LHFPL1: variants seen among roughly 807,000 people sequenced by gnomAD.
The protein encoded by LHFPL1 is LHFPL tetraspan subfamily member 1 protein.
A neutral mutation model predicts 12.1 loss-of-function variants in LHFPL1; 4 were observed. The ratio of observed to expected loss-of-function variants is 0.33; its 90% CI spans 0.16 to 0.76. The LOEUF (loss-of-function observed/expected upper bound fraction) is 0.76, where lower values mean the gene tolerates loss of function less well. Ranked by LOEUF, LHFPL1 falls within the 30% of genes least tolerant of loss-of-function variation. The pLI is 0.61. For missense variants in LHFPL1, 141 were observed against 174.1 expected, an observed-to-expected ratio of 0.81 and a Z score of 1.07; for synonymous variants, 52 against 61.9, an observed-to-expected ratio of 0.84 and a Z score of 0.75.
intron 2 of LHFPL1, among the ~76,000 whole-genome samples, chrX:112,665,077 G>A (rs920131719): frequency 1.8e-5 from 2 of 111,863 alleles, no homozygotes; most frequent in African/African-American, 6.5e-5. Context: ...TCCCAGCCCT[G>A]CCACATATGA....
At chrX:112,658,860 G>T (rs1931090152) in intron 3 of LHFPL1, among the ~76,000 whole-genome samples, 1 of 111,578 alleles carries the variant, frequency 9.0e-6, no homozygotes, top group East Asian at 2.8e-4. Flanking sequence ...TAGCCAAAAA[G>T]TAGAAACAAT....
chrX:112,659,198 C>T (rs1931101873), intron 3 of LHFPL1, among the ~76,000 whole-genome samples: 1 of 111,498 alleles, frequency 9.0e-6, no homozygotes, highest in African/African-American at 3.3e-5. Flanking sequence ...GCGGTGGCTC[C>T]CTGTAATCCC....
intron 3 of LHFPL1, among the ~76,000 whole-genome samples, chrX:112,642,715 C>T (rs1930551965): frequency 1.1e-5 from 1 of 87,851 alleles, no homozygotes; most frequent in Admixed American, 1.3e-4. Flanking sequence ...CTGGAAGTCA[C>T]CTTAGTCACC....
intron 3 of LHFPL1, among the ~76,000 whole-genome samples, chrX:112,655,739 T>G (rs755686363): frequency 9.0e-6 from 1 of 111,450 alleles, no homozygotes; most frequent in South Asian, 3.8e-4. Context: ...AGCTAATTAT[T>G]TTTATTTTTT....
At chrX:112,641,409 G>A (rs1243316180) in intron 3 of LHFPL1, among the ~76,000 whole-genome samples, 1 of 111,972 alleles carries the variant, frequency 8.9e-6, no homozygotes, top group Non-Finnish European at 1.9e-5. Flanking sequence ...AATAGAGACT[G>A]AGCCCAGGTC....
At chrX:112,640,904 A>G (rs1930487340) in intron 3 of LHFPL1, among the ~76,000 whole-genome samples, 1 of 111,230 alleles carries the variant, frequency 9.0e-6, no homozygotes, top group Non-Finnish European at 1.9e-5. Flanking sequence ...AATTCTTTGT[A>G]GTTTTTACAA....
At chrX:112,648,294 G>A (rs1288340532) in intron 3 of LHFPL1, among the ~76,000 whole-genome samples, 1 of 111,282 alleles carries the variant, frequency 9.0e-6, no homozygotes, top group Non-Finnish European at 1.9e-5. Flanking sequence ...TGCACGTTCT[G>A]CACATGTATC....
At chrX:112,655,452 G>A (rs1159537444) in intron 3 of LHFPL1, among the ~76,000 whole-genome samples, 2 of 112,075 alleles carry the variant, frequency 1.8e-5, no homozygotes, top group African/African-American at 3.2e-5. Context: ...TAACTTGAAT[G>A]AAAACCTAAG....
chrX:112,665,375 G>C (rs1002528460), intron 2 of LHFPL1, among the ~76,000 whole-genome samples: 2 of 111,015 alleles, frequency 1.8e-5, no homozygotes, highest in East Asian at 5.7e-4. Flanking sequence ...ATTTTTAGTA[G>C]AGACGGGGTT....
In LHFPL1 at chrX:112,660,701, G is replaced by A. The variant is rs1475308858; in HGVS notation, c.407C>T (p.Ala136Val). ...GCTATTCCATCCTAAAGGGTATAAG[G>A]CACAGCCTGAGCTTATCAGCAGCCC... ...VGGLLISSGC[A>V]LYPLGWNSPE... The change falls in exon 3 of 4, where the codon GCC (alanine) becomes GTC (valine). Residue 136 changes from alanine (A) to valine (V), a missense_variant. Transcript: ENST00000371968. 1 of 1,204,975 alleles carries A rather than the reference G, an allele frequency of 8.3e-7. No homozygotes were observed. Among genetic ancestry groups the A allele is most frequent in the Admixed American group, 2.2e-5 (1 of 45,993 alleles).
chrX:112,649,988 A>AAAG (rs199719123), intron 3 of LHFPL1, among the ~76,000 whole-genome samples: 10,688 of 108,511 alleles, frequency 0.098, 663 homozygotes, highest in African/African-American at 0.22. Context: ...GAAAAAAAAA[A>AAAG]AAGTATATAG....
intron 3 of LHFPL1, among the ~76,000 whole-genome samples, chrX:112,634,874 G>A (rs1187680601): frequency 8.9e-6 from 1 of 111,884 alleles, no homozygotes; most frequent in African/African-American, 3.3e-5. Flanking sequence ...AGGAGAAAGA[G>A]GGGAAATGTA....
At chrX:112,665,079 CA>C (rs1165494561) in intron 2 of LHFPL1, among the ~76,000 whole-genome samples, 1 of 111,901 alleles carries the variant, frequency 8.9e-6, no homozygotes, top group Non-Finnish European at 1.9e-5. Flanking sequence ...CCAGCCCTGC[CA>C]CATATGAGCT....
At chrX:112,660,913 G>T (rs1420949630) in intron 2 of LHFPL1, among the ~76,000 whole-genome samples, 188 bp from the exon 3 acceptor site, 1 of 111,999 alleles carries the variant, frequency 8.9e-6, no homozygotes, top group Non-Finnish European at 1.9e-5. Flanking sequence ...AGGTAGTGGA[G>T]TGTAATAGGT....
intron 3 of LHFPL1, among the ~76,000 whole-genome samples, chrX:112,651,332 C>T (rs1930848623): frequency 8.9e-6 from 1 of 112,190 alleles, no homozygotes; most frequent in Non-Finnish European, 1.9e-5. Flanking sequence ...ACACTTGGAA[C>T]ATTGCCTGGC....
At chrX:112,659,216 TG>T (rs1231519131) in intron 3 of LHFPL1, among the ~76,000 whole-genome samples, 2 of 111,571 alleles carry the variant, frequency 1.8e-5, no homozygotes, top group Non-Finnish European at 3.8e-5. Context: ...CCCAGCACTT[TG>T]GGAGGCAAAG....
intron 2 of LHFPL1, among the ~76,000 whole-genome samples, chrX:112,662,955 A>T (rs1296802368): frequency 1.8e-5 from 2 of 112,269 alleles, no homozygotes; most frequent in Non-Finnish European, 3.8e-5. Context: ...AGTTTATAAA[A>T]GAACACCAGC....
At chrX:112,633,331 C>A (rs1930244468) in intron 3 of LHFPL1, among the ~76,000 whole-genome samples, 1 of 112,085 alleles carries the variant, frequency 8.9e-6, no homozygotes, top group African/African-American at 3.2e-5. Context: ...GAAAAACCAG[C>A]GAATATAGTA....
At chrX:112,661,141 C>G (rs1192546627) in intron 2 of LHFPL1, among the ~76,000 whole-genome samples, 1 of 111,128 alleles carries the variant, frequency 9.0e-6, no homozygotes, top group East Asian at 2.8e-4. Flanking sequence ...TCCCTACCAG[C>G]TGAAAATATG....
Sources: allele counts gnomAD v4.1 joint callset (sites outside exome capture counted in the v4.1 genomes callset), GRCh38; gene constraint gnomAD v4.1.1; transcripts MANE v1.5; gene names NCBI Gene and HGNC (gene_info 2026-07-23, HGNC 2026-07-21).